The following GMDS variants were observed in gnomAD, a reference collection of about 807,000 sequenced individuals.
GMDS encodes GDP-mannose 4,6 dehydratase.
A neutral mutation model predicts 49.9 loss-of-function variants in GMDS; 20 were observed. The ratio of observed to expected loss-of-function variants is 0.40; its 90% CI spans 0.28 to 0.58. The LOEUF is 0.58. GMDS is among the 20% of genes least tolerant of loss of function. The pLI, the probability that GMDS is intolerant of heterozygous loss-of-function variation, is 0.42. For missense variants in GMDS, 362 were observed against 481.4 expected (o/e 0.75, Z 2.32); for synonymous variants, 177 against 178.6 (o/e 0.99, Z 0.07).
chr6:1,837,529 G>A (rs1373614394), intron 7 of GMDS, among the ~76,000 whole-genome samples: 4 of 152,032 alleles, frequency 2.6e-5, no homozygotes, highest in African/African-American at 7.2e-5. Flanking sequence ...CCCCCGTCCC[G>A]AATCCTGAAT....
At chr6:1,955,853 G>A (rs977586245) in intron 6 of GMDS, among the ~76,000 whole-genome samples, 2 of 152,110 alleles carry the variant, frequency 1.3e-5, no homozygotes, top group Non-Finnish European at 2.9e-5. Context: ...TAATGAGCAC[G>A]TGTCCAAGCT....
intron 7 of GMDS, among the ~76,000 whole-genome samples, chr6:1,757,644 C>G (rs184094755): frequency 2.1e-4 from 32 of 152,314 alleles, no homozygotes; most frequent in African/African-American, 7.5e-4. Flanking sequence ...GGGAATTTAA[C>G]CTCTGAACTG....
At chr6:2,065,082 A>G (rs9503088) in intron 4 of GMDS, among the ~76,000 whole-genome samples, 8,062 of 151,808 alleles carry the variant, frequency 0.053, 441 homozygotes, top group East Asian at 0.14. Context: ...ATCTGAGGAC[A>G]GGCAGACTGC....
chr6:1,716,997 G>A (rs575903054), intron 9 of GMDS, among the ~76,000 whole-genome samples: 5 of 152,246 alleles, frequency 3.3e-5, no homozygotes, highest in South Asian at 2.1e-4. Context: ...GGTTTAGTCC[G>A]CAAAGTGATT....
intron 4 of GMDS, among the ~76,000 whole-genome samples, chr6:2,074,415 T>C (rs1213124294): frequency 6.6e-6 from 1 of 152,174 alleles, no homozygotes; most frequent in Admixed American, 6.5e-5. Context: ...ATCAGTCCAT[T>C]GTTGGATGAA....
At chr6:1,897,303 C>T (rs1194014883) in intron 7 of GMDS, among the ~76,000 whole-genome samples, 2 of 152,176 alleles carry the variant, frequency 1.3e-5, no homozygotes, top group Non-Finnish European at 2.9e-5. Context: ...GGTCCCTACC[C>T]TAATGGTCAT....
chr6:1,912,033 T>C (rs1010256133), intron 7 of GMDS, among the ~76,000 whole-genome samples: 4 of 152,214 alleles, frequency 2.6e-5, no homozygotes, highest in African/African-American at 9.7e-5. Flanking sequence ...GATTTCATAA[T>C]CTTATCATTT....
At chr6:1,849,679 T>C (rs1757568326) in intron 7 of GMDS, among the ~76,000 whole-genome samples, 1 of 152,236 alleles carries the variant, frequency 6.6e-6, no homozygotes, top group South Asian at 2.1e-4. Flanking sequence ...AGCTTTTCCC[T>C]GAATTTGACT....
chr6:2,070,499 C>G (rs1296632191), intron 4 of GMDS, among the ~76,000 whole-genome samples: 2 of 152,150 alleles, frequency 1.3e-5, no homozygotes, highest in African/African-American at 4.8e-5. Flanking sequence ...CCTTTAAGAT[C>G]TAGCAATCTG....
At chr6:2,025,738 C>T (rs1280834728) in intron 4 of GMDS, among the ~76,000 whole-genome samples, 2 of 152,140 alleles carry the variant, frequency 1.3e-5, no homozygotes, top group East Asian at 3.8e-4. Context: ...AGTATGTTCT[C>T]CAGCAATCTG....
chr6:1,726,604 G>C, intron 8 of GMDS, 92 bp from the exon 9 acceptor site: 1 of 877,350 alleles, frequency 1.1e-6, no homozygotes, highest in Non-Finnish European at 1.9e-6. Context: ...CCCTCTCCCC[G>C]CAGGAGCGCT....
chr6:2,100,174 C>T (rs570556954), intron 4 of GMDS, among the ~76,000 whole-genome samples: 1 of 152,068 alleles, frequency 6.6e-6, no homozygotes, highest in South Asian at 2.1e-4. Context: ...GTACCCTGTG[C>T]TAGTTAGAAT....
chr6:1,831,030 C>CA (rs1756611803), intron 7 of GMDS, among the ~76,000 whole-genome samples: 1 of 152,136 alleles, frequency 6.6e-6, no homozygotes, highest in Non-Finnish European at 1.5e-5. Context: ...TATATTTGGC[C>CA]AATGCAGATA....
intron 4 of GMDS, among the ~76,000 whole-genome samples, chr6:2,064,567 C>A (rs1440050821): frequency 1.3e-5 from 2 of 152,110 alleles, no homozygotes; most frequent in Non-Finnish European, 2.9e-5. Flanking sequence ...TCCCAAAGGA[C>A]CTCCTCCCCG....
chr6:1,834,938 G>A (rs1184437795), intron 7 of GMDS, among the ~76,000 whole-genome samples: 1 of 152,066 alleles, frequency 6.6e-6, no homozygotes, highest in East Asian at 1.9e-4. Flanking sequence ...ATGTCTCTGA[G>A]GGCATTTCAG....
intron 7 of GMDS, among the ~76,000 whole-genome samples, chr6:1,743,147 G>C (rs1231848902): frequency 6.6e-6 from 1 of 152,158 alleles, no homozygotes; most frequent in Non-Finnish European, 1.5e-5. Context: ...ACCACGTAAT[G>C]GAGAGTACTA....
chr6:2,112,742 C>T (rs1172644531), intron 4 of GMDS, among the ~76,000 whole-genome samples: 9 of 152,174 alleles, frequency 5.9e-5, no homozygotes, highest in Admixed American at 2.0e-4. Flanking sequence ...CACAAATCCT[C>T]GCTGGCCTAA....
chr6:2,136,538 A>G (rs535886481), intron 1 of GMDS, among the ~76,000 whole-genome samples: 1 of 152,310 alleles, frequency 6.6e-6, no homozygotes, highest in East Asian at 1.9e-4. Context: ...CCTGGGCAAC[A>G]TAGTGAGACC....
At chr6:2,079,841 C>A (rs1006156729) in intron 4 of GMDS, among the ~76,000 whole-genome samples, 2 of 152,074 alleles carry the variant, frequency 1.3e-5, no homozygotes, top group African/African-American at 4.8e-5. Flanking sequence ...ATATCTAAAT[C>A]ATTTGATAGA....
Sources: gnomAD v4.1 joint callset for allele counts (sites outside exome capture counted in the v4.1 genomes callset) on GRCh38, gnomAD v4.1.1 for gene constraint, MANE v1.5 for transcripts, NCBI Gene and HGNC (gene_info 2026-07-23, HGNC 2026-07-21) for gene names.